Variants in DNAH7 observed in about 807,000 individuals in gnomAD.
DNAH7 encodes axonemal beta dynein heavy chain 7.
In DNAH7, 397 loss-of-function variants were observed where a neutral mutation model predicts 444.6. The ratio of observed to expected loss-of-function variants is 0.89; its 90% CI spans 0.82 to 0.97. The LOEUF is 0.97. DNAH7 is among the 50% of genes least tolerant of loss of function. DNAH7 has a pLI of 0.00. For missense variants in DNAH7, 4,902 were observed against 4,800.8 expected (o/e 1.02, Z -0.62); for synonymous variants, 1,636 against 1,624.4 (o/e 1.01, Z -0.17).
At chr2:195,767,378 TGAAAA>T (rs932050163) in intron 61 of DNAH7, among the ~76,000 whole-genome samples, 3 of 152,082 alleles carry the variant, frequency 2.0e-5, no homozygotes, top group African/African-American at 7.2e-5. Context: ...CATGTTAATT[TGAAAA>T]GAAAAGTATA....
intron 64 of DNAH7, among the ~76,000 whole-genome samples, chr2:195,738,411 A>AT (rs1023564956): frequency 1.5e-5 from 2 of 131,986 alleles, no homozygotes; most frequent in Non-Finnish European, 3.2e-5. Context: ...GCTTACAATG[A>AT]TAAAAAAAAA....
intron 15 of DNAH7, among the ~76,000 whole-genome samples, chr2:195,982,053 G>A (rs76814254): frequency 6.5e-4 from 99 of 152,282 alleles, no homozygotes; most frequent in African/African-American, 2.3e-3. Flanking sequence ...GAAAATATTT[G>A]CAAACTACCC....
At chr2:195,774,724 A>G (rs1350781404) in intron 60 of DNAH7, among the ~76,000 whole-genome samples, 1 of 152,196 alleles carries the variant, frequency 6.6e-6, no homozygotes, top group African/African-American at 2.4e-5. Flanking sequence ...ACTTCGAGGG[A>G]CTGTCATTAG....
intron 10 of DNAH7, among the ~76,000 whole-genome samples, chr2:196,008,799 C>A (rs1274097280): frequency 6.6e-6 from 1 of 152,158 alleles, no homozygotes; most frequent in Non-Finnish European, 1.5e-5. Flanking sequence ...TGGCTGCTAA[C>A]AGGTACAGAG....
At chr2:195,958,143 C>G (rs1690822516) in intron 18 of DNAH7, among the ~76,000 whole-genome samples, 1 of 151,886 alleles carries the variant, frequency 6.6e-6, no homozygotes, top group African/African-American at 2.4e-5. Flanking sequence ...ATGGACTTTG[C>G]CTGACTCTCC....
At chr2:196,031,942 T>C (rs762695480) in intron 5 of DNAH7, among the ~76,000 whole-genome samples, 2 of 152,198 alleles carry the variant, frequency 1.3e-5, no homozygotes, top group Non-Finnish European at 2.9e-5. Context: ...TTTTCACATA[T>C]CTTTTCAGCA....
intron 19 of DNAH7, among the ~76,000 whole-genome samples, chr2:195,946,944 T>C (rs1689851741): frequency 6.6e-6 from 1 of 152,066 alleles, no homozygotes; most frequent in Admixed American, 6.6e-5. Context: ...TGAAAAATTC[T>C]GGAATTAGAT....
chr2:195,787,316 A>G, intron 57 of DNAH7, 145 bp from the exon 58 acceptor site: 1 of 893,336 alleles, frequency 1.1e-6, no homozygotes, highest in East Asian at 2.7e-5. Context: ...TAACAGAGTT[A>G]AGTATGTTTC....
In DNAH7 at chr2:195,738,265, T is replaced by G. The variant is rs529780833; in HGVS notation, c.11869-138A>C. On this transcript the variant is annotated intron_variant, in intron 64 of 64. Coordinates refer to ENST00000312428, the MANE Select transcript of DNAH7 (RefSeq NM_018897.3). Reference sequence around the variant, plus strand: ...CCCAAATTTATTTTCACCAGCAGTGTTGTTGTGATTGCTCAAAACATTTTA... The same window carrying G: ...CCCAAATTTATTTTCACCAGCAGTGGTGTTGTGATTGCTCAAAACATTTTA... 3 of 689,164 alleles carry G rather than the reference T, an allele frequency of 4.4e-6. No homozygotes were observed. The South Asian group carries it at 5.8e-5, about 13-fold the overall frequency. 42.7% of individuals were successfully genotyped at this position (689,164 alleles called of 1,614,324 possible). A position where few individuals can be genotyped will look rare whatever the true frequency, so the allele number is the denominator to read the frequency against.
Position 195,873,695 on chromosome 2 carries a change from C to G in DNAH7, c.6287-1G>C, listed in dbSNP as rs868312220. The stretch of plus-strand genomic sequence containing the variant: ...GGAGTTACTGGATTTCGACCACCAC[C>G]TAAATATTAAAAAGTATAACTCTTA... On this transcript the variant is annotated splice_acceptor_variant, in intron 38 of 64. Transcript: ENST00000312428. LOFTEE classifies it high-confidence loss of function. 2.6e-6 allele frequency: 4 copies of G among 1,524,182 alleles called. No individual in the cohort carries two copies. The African/African-American group carries it at 4.3e-5, about 16-fold the overall frequency. The allele number at this position is 1,524,182 out of a possible 1,614,324, so 94.4% of individuals were successfully genotyped here. A position where few individuals can be genotyped will look rare whatever the true frequency, so the allele number is the denominator to read the frequency against.
At chr2:195,870,769 C>T (rs551310758) in intron 40 of DNAH7, among the ~76,000 whole-genome samples, 1 of 152,328 alleles carries the variant, frequency 6.6e-6, no homozygotes, top group East Asian at 1.9e-4. Context: ...CCTCACCAGA[C>T]ATGAAATCTG....
At chr2:195,861,641 A>G in intron 42 of DNAH7, 76 bp downstream of exon 42, 1 of 926,308 alleles carries the variant, frequency 1.1e-6, no homozygotes, top group Admixed American at 2.4e-5. Context: ...TCTCCATTAT[A>G]TATTATGTCG....
chr2:195,753,451 G>C (rs1227814899), intron 63 of DNAH7, among the ~76,000 whole-genome samples: 1 of 152,134 alleles, frequency 6.6e-6, no homozygotes, highest in Non-Finnish European at 1.5e-5. Flanking sequence ...CTACTTGTTA[G>C]TGTCTCCCAC....
At chr2:196,067,351 G>A (rs1372991366) in intron 1 of DNAH7, among the ~76,000 whole-genome samples, 1 of 152,102 alleles carries the variant, frequency 6.6e-6, no homozygotes, top group African/African-American at 2.4e-5. Context: ...TAATAATGGT[G>A]ACAGTAACAA....
At chr2:195,744,867 T>C (rs1286343009) in intron 63 of DNAH7, among the ~76,000 whole-genome samples, 1 of 151,918 alleles carries the variant, frequency 6.6e-6, no homozygotes, top group African/African-American at 2.4e-5. Flanking sequence ...ATCACCATCA[T>C]CAAAGATCAA....
intron 64 of DNAH7, among the ~76,000 whole-genome samples, 156 bp downstream of exon 64, chr2:195,740,610 T>C (rs1402840029): frequency 1.8e-5 from 1 of 57,044 alleles, no homozygotes; most frequent in Admixed American, 1.7e-4. Flanking sequence ...TGTGTGTGTG[T>C]GTGTGTATAT....
At chr2:196,064,352 A>T (rs971350189) in intron 1 of DNAH7, among the ~76,000 whole-genome samples, 1 of 148,460 alleles carries the variant, frequency 6.7e-6, no homozygotes, top group African/African-American at 2.5e-5. Context: ...AATAAATAAT[A>T]AATAATAAAT....
chr2:195,750,840 C>T (rs1479508612), intron 63 of DNAH7, among the ~76,000 whole-genome samples: 1 of 152,140 alleles, frequency 6.6e-6, no homozygotes, highest in Admixed American at 6.5e-5. Flanking sequence ...TTTGCTTTTA[C>T]CCAATTTAGA....
chr2:196,045,483 C>A (rs1697063829), intron 5 of DNAH7, among the ~76,000 whole-genome samples: 2 of 151,172 alleles, frequency 1.3e-5, no homozygotes, highest in Non-Finnish European at 2.9e-5. Context: ...AAGCAACTTT[C>A]TAAAAATTTT....
Sources: allele counts gnomAD v4.1 joint callset (sites outside exome capture counted in the v4.1 genomes callset), GRCh38; gene constraint gnomAD v4.1.1; transcripts MANE v1.5; gene names NCBI Gene and HGNC (gene_info 2026-07-23, HGNC 2026-07-21).